Variants in LRRC37A2 observed in about 807,000 individuals in gnomAD.
LRRC37A2 encodes leucine-rich repeat-containing protein 37A2.
A neutral mutation model predicts 68.8 loss-of-function variants in LRRC37A2; 9 were observed. That is an observed-to-expected ratio of 0.13 (90% CI 0.08 to 0.23). The LOEUF is 0.23. Ranked by LOEUF, LRRC37A2 falls within the 10% of genes least tolerant of loss-of-function variation. LRRC37A2 has a pLI of 1.00. For synonymous variants in LRRC37A2, 63 were observed against 367.6 expected, an observed-to-expected ratio of 0.17 and a Z score of 9.48; for missense variants, 168 against 950.4, an observed-to-expected ratio of 0.18 and a Z score of 10.82.
At chr17:46,741,714 C>T in the LRRC37A2 span, among the ~76,000 whole-genome samples, 2 of 152,192 alleles carry the variant, frequency 1.3e-5, no homozygotes, top group Non-Finnish European at 2.9e-5. Context: ...GATCTTTTCC[C>T]TTGGTTTGGG....
chr17:46,924,408 A>G, the LRRC37A2 span: 2 of 152,254 alleles, frequency 1.3e-5, no homozygotes, highest in African/African-American at 4.8e-5. Flanking sequence ...GTTGAGAATA[A>G]TACTGCTATG....
At chr17:46,392,273 G>A in the LRRC37A2 span, among the ~76,000 whole-genome samples, 3 of 67,736 alleles carry the variant, frequency 4.4e-5, no homozygotes, top group Admixed American at 1.2e-4. Flanking sequence ...ATGCAGTGGC[G>A]TGATCAGGGC....
chr17:47,011,388 A>C, the LRRC37A2 span, among the ~76,000 whole-genome samples: 1 of 151,856 alleles, frequency 6.6e-6, no homozygotes, highest in Non-Finnish European at 1.5e-5. Context: ...ATCTCTACTA[A>C]AAATACAAAA....
the LRRC37A2 span, among the ~76,000 whole-genome samples, chr17:46,915,763 G>T: frequency 6.6e-6 from 1 of 152,250 alleles, no homozygotes; most frequent in Non-Finnish European, 1.5e-5. Flanking sequence ...CCCTGAGGCG[G>T]TTCAGGGCTC....
chr17:46,502,416 C>A, the LRRC37A2 span, among the ~76,000 whole-genome samples: 1 of 151,066 alleles, frequency 6.6e-6, no homozygotes, highest in African/African-American at 2.5e-5. Flanking sequence ...ATTCTCCTGT[C>A]TCAGCCTCCC....
the LRRC37A2 span, chr17:46,978,628 G>C: frequency 1.3e-6 from 2 of 1,574,730 alleles, no homozygotes; most frequent in Non-Finnish European, 1.7e-6. Flanking sequence ...GCTGGCGAGG[G>C]CGGACCCAGA....
At chr17:46,754,298 T>C in the LRRC37A2 span, among the ~76,000 whole-genome samples, 3 of 151,886 alleles carry the variant, frequency 2.0e-5, no homozygotes, top group Non-Finnish European at 4.4e-5. Flanking sequence ...TTGAAACTTC[T>C]GTTCAGTGTT....
At chr17:46,599,880 A>T in the LRRC37A2 span, among the ~76,000 whole-genome samples, 1 of 106,844 alleles carries the variant, frequency 9.4e-6, no homozygotes. Context: ...AAATAATAAT[A>T]ATAAATAAAA....
At chr17:46,793,929 C>T in the LRRC37A2 span, among the ~76,000 whole-genome samples, 1 of 152,230 alleles carries the variant, frequency 6.6e-6, no homozygotes. Flanking sequence ...GTCCAGACCC[C>T]ACCCTCTGGA....
At chr17:46,722,660 G>T in the LRRC37A2 span, among the ~76,000 whole-genome samples, 8 of 152,222 alleles carry the variant, frequency 5.3e-5, no homozygotes, top group Non-Finnish European at 1.0e-4. Flanking sequence ...CTAAGGGACT[G>T]AGGAGACTAG....
intron 6 of LRRC37A2, among the ~76,000 whole-genome samples, chr17:46,534,120 GC>G (rs1413117132): frequency 6.9e-6 from 1 of 144,434 alleles, no homozygotes; most frequent in Non-Finnish European, 1.5e-5. Context: ...CTTAAGCAAT[GC>G]TGTCACCTCA....
the LRRC37A2 span, among the ~76,000 whole-genome samples, chr17:46,797,475 A>G: frequency 1.3e-5 from 2 of 152,230 alleles, no homozygotes; most frequent in Non-Finnish European, 2.9e-5. Context: ...AAGGCAGTGG[A>G]GTCCTCAGGA....
the LRRC37A2 span, among the ~76,000 whole-genome samples, chr17:46,971,125 G>T: frequency 6.6e-6 from 1 of 152,108 alleles, no homozygotes. Flanking sequence ...ATCATTTGAG[G>T]TCAGGAGTTT....
the LRRC37A2 span, among the ~76,000 whole-genome samples, chr17:46,800,261 C>T: frequency 6.6e-6 from 1 of 152,172 alleles, no homozygotes; most frequent in Admixed American, 6.5e-5. Flanking sequence ...CAGCTGCCCA[C>T]CACCACACCC....
At chr17:46,860,226 A>G in the LRRC37A2 span, among the ~76,000 whole-genome samples, 1 of 152,170 alleles carries the variant, frequency 6.6e-6, no homozygotes, top group South Asian at 2.1e-4. Flanking sequence ...TCTGTGGCTG[A>G]GGACGGGAAG....
chr17:47,024,073 T>A, the LRRC37A2 span, among the ~76,000 whole-genome samples: 4 of 152,222 alleles, frequency 2.6e-5, no homozygotes, highest in South Asian at 2.1e-4. Flanking sequence ...AACTGAATAT[T>A]TGGCCAGGTG....
chr17:46,658,047 A>AT, the LRRC37A2 span, among the ~76,000 whole-genome samples: 5 of 36,710 alleles, frequency 1.4e-4, no homozygotes, highest in African/African-American at 5.4e-4. Context: ...GTGTATCAGA[A>AT]TTTTTTTTTT....
chr17:47,019,009 T>A, the LRRC37A2 span: 1 of 1,485,450 alleles, frequency 6.7e-7, no homozygotes, highest in Non-Finnish European at 9.4e-7. Context: ...TCACCCAGCG[T>A]TACAGTTCAA....
chr17:46,974,457 G>T, the LRRC37A2 span, among the ~76,000 whole-genome samples: 5 of 152,200 alleles, frequency 3.3e-5, no homozygotes, highest in African/African-American at 1.2e-4. Context: ...CATCTCCGCC[G>T]GGCGCGGTGG....
Sources: allele counts gnomAD v4.1 joint callset (sites outside exome capture counted in the v4.1 genomes callset), GRCh38; gene constraint gnomAD v4.1.1; transcripts MANE v1.5; gene names NCBI Gene and HGNC (gene_info 2026-07-23, HGNC 2026-07-21).